RYR3: variants seen among roughly 807,000 people sequenced by gnomAD.
RYR3 encodes ryanodine receptor 3, also known as brain ryanodine receptor-calcium release channel.
A neutral mutation model predicts 584.3 loss-of-function variants in RYR3; 207 were observed. The observed-to-expected ratio is 0.35, with a 90% confidence interval of 0.32 to 0.40. The LOEUF (loss-of-function observed/expected upper bound fraction) is 0.40, where lower values mean the gene tolerates loss of function less well. Ranked by LOEUF, RYR3 falls within the 10% of genes least tolerant of loss-of-function variation. RYR3 has a pLI of 1.00. For synonymous variants in RYR3, 2,416 were observed against 2,248.5 expected, an observed-to-expected ratio of 1.07 and a Z score of -2.11; for missense variants, 5,616 against 6,089.2, an observed-to-expected ratio of 0.92 and a Z score of 2.59.
At chr15:33,738,743 A>C (rs1875057715) in intron 50 of RYR3, among the ~76,000 whole-genome samples, 153 bp downstream of exon 50, 1 of 152,220 alleles carries the variant, frequency 6.6e-6, no homozygotes, top group Non-Finnish European at 1.5e-5. Flanking sequence ...CATCTCTCTG[A>C]AATGGAAACT....
chr15:33,605,986 T>C (rs1358836416), intron 18 of RYR3, among the ~76,000 whole-genome samples: 1 of 152,216 alleles, frequency 6.6e-6, no homozygotes, highest in Non-Finnish European at 1.5e-5. Context: ...ATTAAGCCAC[T>C]GCCTTGAACA....
At chr15:33,413,237 TCTC>T (rs1259394384) in intron 1 of RYR3, among the ~76,000 whole-genome samples, 1 of 152,206 alleles carries the variant, frequency 6.6e-6, no homozygotes, top group Non-Finnish European at 1.5e-5. Flanking sequence ...CAGTAAGTCT[TCTC>T]ACTGACTTGG....
At chr15:33,463,178 T>A (rs1281318744) in intron 1 of RYR3, among the ~76,000 whole-genome samples, 1 of 151,582 alleles carries the variant, frequency 6.6e-6, no homozygotes, top group African/African-American at 2.4e-5. Flanking sequence ...AAAAAAAAAT[T>A]TTTTTTCAGA....
intron 16 of RYR3, among the ~76,000 whole-genome samples, chr15:33,596,750 T>C (rs536260137): frequency 1.3e-5 from 2 of 152,310 alleles, no homozygotes; most frequent in East Asian, 3.9e-4. Context: ...AATTGCAGTT[T>C]GCCATTCCTT....
rs557461072 is a variant in RYR3 at position 33,405,055 on chromosome 15, G to T, written c.52-68364G>T. 2.6e-5 allele frequency among the ~76,000 whole-genome samples: 4 copies of T among 152,314 alleles called. No individual in the cohort carries two copies. In the East Asian group the frequency reaches 7.7e-4, roughly 29 times the overall value. ...AATTGAACTAATACTTACCTCCCAG[G>T]TGCTGTGAAATCCCCCATGAGATAA... On this transcript the variant is annotated intron_variant, in intron 1 of 103. Coordinates refer to ENST00000634891, the MANE Select transcript of RYR3 (RefSeq NM_001036.6).
intron 1 of RYR3, among the ~76,000 whole-genome samples, chr15:33,430,430 G>C (rs1288131191): frequency 6.6e-6 from 1 of 152,206 alleles, no homozygotes; most frequent in Non-Finnish European, 1.5e-5. Context: ...AAGATTTTCT[G>C]ATTTGCAATT....
At chr15:33,357,365 G>A (rs3751640) in intron 1 of RYR3, among the ~76,000 whole-genome samples, 11,905 of 152,192 alleles carry the variant, frequency 0.078, 548 homozygotes, top group Middle Eastern at 0.12. Context: ...GAAAAGGTGA[G>A]TCCCGGTAGG....
intron 27 of RYR3, among the ~76,000 whole-genome samples, chr15:33,640,683 C>G (rs1027575646): frequency 6.6e-6 from 1 of 152,144 alleles, no homozygotes; most frequent in South Asian, 2.1e-4. Context: ...CCAAGTGTAT[C>G]AGAACTGGGG....
chr15:33,350,230 C>T (rs543737176), intron 1 of RYR3, among the ~76,000 whole-genome samples: 29 of 152,180 alleles, frequency 1.9e-4, no homozygotes, highest in Middle Eastern at 3.4e-3. Flanking sequence ...TATATATGCA[C>T]CCAATACAGG....
At chr15:33,333,066 C>T (rs962265573) in intron 1 of RYR3, among the ~76,000 whole-genome samples, 2 of 55,734 alleles carry the variant, frequency 3.6e-5, no homozygotes, top group African/African-American at 1.5e-4. Context: ...GCCTACCAAC[C>T]AAAAAAAAAA....
Position 33,838,177 on chromosome 15 carries a change from G to A in RYR3, c.12197G>A (p.Arg4066Gln), listed in dbSNP as rs781177906. 7 of 1,613,896 alleles carry A rather than the reference G, an allele frequency of 4.3e-6. No homozygotes were observed. The highest frequency in any genetic ancestry group is 1.3e-5 in the African/African-American group (1 of 74,926). Residue 4066 changes from arginine (R) to glutamine (Q), a missense_variant, in exon 89 of 104, where the codon CGA becomes CAA. Transcript: ENST00000634891. ...WEKPQVKESK[R>Q]QFIFDVVNEG... Reference sequence around the variant, plus strand: ...AAGCCCCAGGTGAAGGAATCTAAGCGACAGTTCATTTTTGATGTTGTCAAT... The same window carrying A: ...AAGCCCCAGGTGAAGGAATCTAAGCAACAGTTCATTTTTGATGTTGTCAAT...
intron 38 of RYR3, among the ~76,000 whole-genome samples, chr15:33,690,672 C>A (rs551068760): frequency 7.2e-5 from 11 of 152,294 alleles, no homozygotes; most frequent in Admixed American, 6.5e-4. Context: ...GGTTTCCAAT[C>A]ACAGCCTCAC....
At chr15:33,717,264 C>T (rs1322414330) in intron 43 of RYR3, among the ~76,000 whole-genome samples, 1 of 152,114 alleles carries the variant, frequency 6.6e-6, no homozygotes, top group African/African-American at 2.4e-5. Context: ...TCTTGGTTAT[C>T]TACCTGGTAT....
chr15:33,785,516 A>T (rs144030512), intron 65 of RYR3, 146 bp from the exon 66 acceptor site: 33 of 643,722 alleles, frequency 5.1e-5, no homozygotes, highest in Middle Eastern at 4.3e-4. Flanking sequence ...CAGCTGGAGG[A>T]CAAAAGCCAC....
intron 53 of RYR3, 94 bp downstream of exon 53, chr15:33,746,251 G>A (rs1053592864): frequency 1.4e-5 from 12 of 865,798 alleles, no homozygotes; most frequent in African/African-American, 6.7e-5. Flanking sequence ...TCACTCTCAC[G>A]TCCCTACAAC....
At chr15:33,749,089 A>T (rs997954628) in intron 55 of RYR3, among the ~76,000 whole-genome samples, 18 of 152,344 alleles carry the variant, frequency 1.2e-4, no homozygotes, top group African/African-American at 4.3e-4. Flanking sequence ...GAATCCACAG[A>T]TGCAGAACGC....
chr15:33,728,898 C>G lies in RYR3; in HGVS notation c.7075C>G (p.Pro2359Ala), dbSNP rs759752404. The G allele has an allele frequency of 1.2e-6, 2 of 1,613,446 alleles. No homozygotes were observed. Among genetic ancestry groups the G allele is most frequent in the South Asian group, 2.2e-5 (2 of 90,914 alleles). The change falls in exon 47 of 104, where the codon CCT becomes GCT. Residue 2359 changes from proline (P) to alanine (A), a missense_variant. Pro to Ala is a conservative substitution (Grantham distance 27). Around this residue, in one of 9 missense-constraint regions of RYR3, gnomAD observed 1,280 missense variants for 1,426.2 expected, o/e 0.90. Coordinates refer to ENST00000634891, the MANE Select transcript of RYR3 (RefSeq NM_001036.6). ...SEPDMAANFC[P>A]DHKAPMVLFL... Reference sequence around the variant, plus strand: ...GCCAGATATGGCGGCCAATTTCTGCCCTGACCACAAGGCACCTATGGTGCT... The same window carrying G: ...GCCAGATATGGCGGCCAATTTCTGCGCTGACCACAAGGCACCTATGGTGCT...
chr15:33,511,315 C>CT (rs1595374274), intron 3 of RYR3, among the ~76,000 whole-genome samples: 2 of 124,270 alleles, frequency 1.6e-5, no homozygotes, highest in East Asian at 2.7e-4. Flanking sequence ...AATCCACCCT[C>CT]TTTTTTCTCT....
intron 60 of RYR3, among the ~76,000 whole-genome samples, chr15:33,759,260 C>T (rs773262162): frequency 1.3e-5 from 2 of 152,206 alleles, no homozygotes; most frequent in Non-Finnish European, 2.9e-5. Flanking sequence ...CACAACCCCT[C>T]ACCAGCAAGG....
Sources: gnomAD v4.1 joint callset for allele counts (sites outside exome capture counted in the v4.1 genomes callset) on GRCh38, gnomAD v4.1.1 for gene constraint, gnomAD v4.1.1 regional missense constraint, MANE v1.5 for transcripts, NCBI Gene and HGNC (gene_info 2026-07-23, HGNC 2026-07-21) for gene names.